The following RNF180 variants were observed in gnomAD, a reference collection of about 807,000 sequenced individuals.
RNF180 encodes the protein ring finger protein 180.
Under a neutral mutation model 59.2 loss-of-function variants are expected in RNF180, and 38 were observed. The ratio of observed to expected loss-of-function variants is 0.64; its 90% CI spans 0.50 to 0.84. The LOEUF is 0.84. Among genes scored for constraint, RNF180 ranks in the 40% least tolerant of loss-of-function variants. The probability of loss-of-function intolerance (pLI) is 0.00; values close to 1 mark genes in which losing one functional copy is unlikely to be tolerated. For synonymous variants in RNF180, 262 were observed against 240.3 expected, an observed-to-expected ratio of 1.09 and a Z score of -0.84; for missense variants, 705 against 700.9, an observed-to-expected ratio of 1.01 and a Z score of -0.07.
chr5:64,350,380 G>C (rs763805959), intron 7 of RNF180, among the ~76,000 whole-genome samples: 46 of 152,046 alleles, frequency 3.0e-4, no homozygotes, highest in Middle Eastern at 3.4e-3. Context: ...TCACTCTGAT[G>C]GTAGTTTCCT....
At chr5:64,342,976 TGTTA>T (rs1580282804) in intron 7 of RNF180, among the ~76,000 whole-genome samples, 1 of 152,278 alleles carries the variant, frequency 6.6e-6, no homozygotes, top group East Asian at 1.9e-4. Context: ...GCTTATTAAT[TGTTA>T]GATTGAGGGG....
intron 7 of RNF180, among the ~76,000 whole-genome samples, chr5:64,355,792 G>T (rs551929776): frequency 6.6e-6 from 1 of 151,944 alleles, no homozygotes; most frequent in South Asian, 2.1e-4. Flanking sequence ...CCATTCATCT[G>T]GGAAAGAATA....
intron 1 of RNF180, among the ~76,000 whole-genome samples, chr5:64,166,999 A>G (rs1749679273): frequency 6.6e-6 from 1 of 152,216 alleles, no homozygotes. Flanking sequence ...TAAAAGTGAT[A>G]CTTGAAAGAT....
chr5:64,371,724 A>T lies in RNF180; in HGVS notation c.*1910A>T, dbSNP rs907347449. Reference sequence around the variant, plus strand: ...TAACTTGATCTGAAAATTATAGAATATTAAAAGAAGTAAATTCATAAAATT... The same window carrying T: ...TAACTTGATCTGAAAATTATAGAATTTTAAAAGAAGTAAATTCATAAAATT... On this transcript the variant is annotated 3_prime_UTR_variant, in exon 8 of 8. Coordinates refer to ENST00000389100, the MANE Select transcript of RNF180 (RefSeq NM_001113561.2). 4 of 151,682 alleles carry T rather than the reference A, an allele frequency of 2.6e-5. No individual in the cohort carries two copies. The highest frequency in any genetic ancestry group is 1.3e-4 in the Admixed American group (2 of 15,176). The allele number at this position is 151,682 out of a possible 1,614,324, so 9.4% of individuals were successfully genotyped here. A position where few individuals can be genotyped will look rare whatever the true frequency, so the allele number is the denominator to read the frequency against.
chr5:64,186,883 C>G (rs1230065095), intron 1 of RNF180, among the ~76,000 whole-genome samples: 1 of 152,162 alleles, frequency 6.6e-6, no homozygotes, highest in Non-Finnish European at 1.5e-5. Flanking sequence ...TTGTACAACT[C>G]TCTTAATTCC....
intron 5 of RNF180, among the ~76,000 whole-genome samples, chr5:64,321,025 G>A (rs969907906): frequency 2.7e-5 from 4 of 150,030 alleles, no homozygotes; most frequent in African/African-American, 9.9e-5. Flanking sequence ...GGAACAGAGC[G>A]AGACTCCGTC....
chr5:64,309,446 A>G (rs1397689996), intron 5 of RNF180, among the ~76,000 whole-genome samples: 1 of 151,710 alleles, frequency 6.6e-6, no homozygotes, highest in African/African-American at 2.4e-5. Context: ...AGCCAAAACA[A>G]TATTTTCTTT....
At chr5:64,331,826 T>A (rs917059609) in intron 7 of RNF180, among the ~76,000 whole-genome samples, 1 of 152,132 alleles carries the variant, frequency 6.6e-6, no homozygotes, top group African/African-American at 2.4e-5. Flanking sequence ...GATGTAGAGA[T>A]CCCTGAGCCA....
intron 5 of RNF180, among the ~76,000 whole-genome samples, chr5:64,263,268 T>C (rs1399221393): frequency 1.3e-5 from 2 of 152,196 alleles, no homozygotes; most frequent in Non-Finnish European, 2.9e-5. Flanking sequence ...AAAACAGCAG[T>C]GTGCTGGGGA....
intron 5 of RNF180, among the ~76,000 whole-genome samples, chr5:64,231,284 C>A (rs1006699206): frequency 2.6e-5 from 4 of 152,086 alleles, no homozygotes; most frequent in Non-Finnish European, 4.4e-5. Context: ...CCATTTCAGT[C>A]CATAGAAATA....
intron 5 of RNF180, among the ~76,000 whole-genome samples, chr5:64,257,138 T>C (rs1350313324): frequency 1.3e-5 from 2 of 152,206 alleles, no homozygotes; most frequent in South Asian, 2.1e-4. Context: ...TACAATCATG[T>C]CATCTGCAAA....
chr5:64,222,844 G>T (rs905620208), intron 5 of RNF180, among the ~76,000 whole-genome samples: 1 of 152,114 alleles, frequency 6.6e-6, no homozygotes, highest in Non-Finnish European at 1.5e-5. Context: ...GTTTCGGGGA[G>T]GAAGACTACA....
At chr5:64,229,223 C>T (rs1741968686) in intron 5 of RNF180, among the ~76,000 whole-genome samples, 1 of 152,088 alleles carries the variant, frequency 6.6e-6, no homozygotes, top group African/African-American at 2.4e-5. Flanking sequence ...CTGCACCTGG[C>T]CTAAAACTTT....
chr5:64,231,062 A>T (rs889003328), intron 5 of RNF180, among the ~76,000 whole-genome samples: 1 of 152,202 alleles, frequency 6.6e-6, no homozygotes, highest in Non-Finnish European at 1.5e-5. Flanking sequence ...TTGTTTGAAA[A>T]GGTTCAGTGG....
intron 1 of RNF180, among the ~76,000 whole-genome samples, chr5:64,195,999 A>T (rs961455998): frequency 2.6e-5 from 4 of 152,210 alleles, no homozygotes; most frequent in Non-Finnish European, 2.9e-5. Flanking sequence ...AACTCCACAC[A>T]GTGACTGTGG....
At chr5:64,203,771 A>AGGG (rs1751871235) in intron 2 of RNF180, among the ~76,000 whole-genome samples, 1 of 152,124 alleles carries the variant, frequency 6.6e-6, no homozygotes, top group Non-Finnish European at 1.5e-5. Context: ...CTTCTAAAGT[A>AGGG]ATGTTAATGT....
chr5:64,311,742 A>G (rs1743777044), intron 5 of RNF180, among the ~76,000 whole-genome samples: 1 of 151,934 alleles, frequency 6.6e-6, no homozygotes, highest in Non-Finnish European at 1.5e-5. Flanking sequence ...GATTCCTACC[A>G]TCTTCTACCA....
intron 7 of RNF180, among the ~76,000 whole-genome samples, chr5:64,361,291 G>C (rs1746245025): frequency 6.6e-6 from 1 of 151,166 alleles, no homozygotes; most frequent in African/African-American, 2.4e-5. Flanking sequence ...AAGACATATG[G>C]AATTTATCCA....
At chr5:64,368,282 T>C (rs190008510) in intron 7 of RNF180, among the ~76,000 whole-genome samples, 52 of 151,910 alleles carry the variant, frequency 3.4e-4, no homozygotes, top group African/African-American at 1.0e-3. Flanking sequence ...AATGAAATTC[T>C]CAAAGTATAA....
Sources: allele counts gnomAD v4.1 joint callset (sites outside exome capture counted in the v4.1 genomes callset), GRCh38; gene constraint gnomAD v4.1.1; transcripts MANE v1.5; gene names NCBI Gene and HGNC (gene_info 2026-07-23, HGNC 2026-07-21).